The following SLC25A30 variants were observed in gnomAD, a reference collection of about 807,000 sequenced individuals.
The protein encoded by SLC25A30 is solute carrier family 25 member 30.
Under a neutral mutation model 42.7 loss-of-function variants are expected in SLC25A30, and 29 were observed. The observed-to-expected ratio is 0.68, with a 90% CI of 0.51 to 0.93. The LOEUF is 0.93. Ranked by LOEUF, SLC25A30 falls within the 40% of genes least tolerant of loss-of-function variation. SLC25A30 has a pLI of 0.00. For synonymous variants in SLC25A30, 124 were observed against 131.0 expected (o/e 0.95, Z 0.37); for missense variants, 300 against 359.7 (o/e 0.83, Z 1.34).
chr13:45,414,443 C>T (rs536403697), intron 1 of SLC25A30, among the ~76,000 whole-genome samples: 1 of 152,172 alleles, frequency 6.6e-6, no homozygotes, highest in East Asian at 1.9e-4. Context: ...ATGGCAAAAC[C>T]CAGTCTCTGC....
At chr13:45,402,924 A>G (rs1882137857) in intron 5 of SLC25A30, 2 of 444,900 alleles carry the variant, frequency 4.5e-6, no homozygotes, top group South Asian at 1.9e-4. Context: ...CCACATGACC[A>G]AGATTCCAAC....
chr13:45,396,432 G>A (rs1881330492), intron 9 of SLC25A30: 1 of 788,924 alleles, frequency 1.3e-6, no homozygotes, highest in Non-Finnish European at 1.6e-6. Flanking sequence ...GCAACAAGAG[G>A]ACAGCAAAAG....
At chr13:45,421,042 A>C (rs1593639386), upstream of SLC25A30, among the ~76,000 whole-genome samples, 1 of 152,126 alleles carries the variant, frequency 6.6e-6, no homozygotes, top group East Asian at 1.9e-4. Flanking sequence ...TCTCTAGGGA[A>C]TAGTAACTTG....
At position 45,395,071 on chromosome 13, in the gene SLC25A30, G is replaced by A. The variant is rs1460996643; in HGVS notation, c.*903C>T. On this transcript the variant is annotated 3_prime_UTR_variant, in exon 10 of 10. Coordinates refer to ENST00000519676, the MANE Select transcript of SLC25A30 (RefSeq NM_001010875.4). Reference sequence around the variant, plus strand: ...TCTTCTACATAGACTGTTTAGAGCTGTTCCACAGCATGATGTAAACACATT... The same window carrying A: ...TCTTCTACATAGACTGTTTAGAGCTATTCCACAGCATGATGTAAACACATT... 2.0e-6 allele frequency: 2 copies of A among 985,352 alleles called. No homozygotes were observed. Among genetic ancestry groups the A allele is most frequent in the African/African-American group, 3.5e-5 (2 of 57,240 alleles). 61.0% of individuals were successfully genotyped at this position (985,352 alleles called of 1,614,324 possible). A position where few individuals can be genotyped will look rare whatever the true frequency, so the allele number is the denominator to read the frequency against.
chr13:45,423,703 A>AAT, the SLC25A30 span, among the ~76,000 whole-genome samples: 173 of 2,878 alleles, frequency 0.06, 53 homozygotes, highest in East Asian at 0.11. Context: ...TAAATATATA[A>AAT]ATATATAAAC....
At chr13:45,415,374 G>C (rs966896544) in intron 1 of SLC25A30, among the ~76,000 whole-genome samples, 1 of 152,086 alleles carries the variant, frequency 6.6e-6, no homozygotes, top group Non-Finnish European at 1.5e-5. Flanking sequence ...AAATATTGGT[G>C]GGGGGCAGGG....
intron 3 of SLC25A30, among the ~76,000 whole-genome samples, chr13:45,406,461 C>A (rs777257718): frequency 6.6e-5 from 10 of 152,168 alleles, no homozygotes; most frequent in Non-Finnish European, 1.5e-4. Flanking sequence ...GAAAGCCTAG[C>A]CCCTCATATT....
At chr13:45,416,991 C>T (rs1883589960) in intron 1 of SLC25A30, among the ~76,000 whole-genome samples, 1 of 152,086 alleles carries the variant, frequency 6.6e-6, no homozygotes, top group African/African-American at 2.4e-5. Context: ...GCTGTTCGTA[C>T]TTTTGAACGC....
At chr13:45,431,236 A>G in the SLC25A30 span, among the ~76,000 whole-genome samples, 1 of 122,784 alleles carries the variant, frequency 8.1e-6, no homozygotes, top group Admixed American at 9.1e-5. Context: ...CAGTAGAGAC[A>G]GGGTTTCACC....
chr13:45,425,651 A>T, the SLC25A30 span, among the ~76,000 whole-genome samples: 1 of 81,144 alleles, frequency 1.2e-5, no homozygotes, highest in Non-Finnish European at 3.0e-5. Flanking sequence ...TATATATATA[A>T]GTATATATAA....
rs1449034010 is a variant in SLC25A30, at chr13:45,400,018, A to ATATATATGTATG, written c.615-941_615-940insCATACATATATA. ...CCACCAATGGATTATGTATGATTATATATATATATATATATACACACACAC... is the reference window on the plus strand; with the variant it reads ...CCACCAATGGATTATGTATGATTATATATATATGTATGTATATATATATATATACACACACAC... On this transcript the variant is annotated intron_variant, in intron 7 of 9. Transcript: ENST00000519676. 3.7e-5 allele frequency among the ~76,000 whole-genome samples: 4 copies of ATATATATGTATG among 107,294 alleles called. No homozygotes were observed. The South Asian group carries it at 1.6e-3, about 43-fold the overall frequency. The allele number at this position is 107,294 out of a possible 152,430, so 70.4% of individuals were successfully genotyped here. A position where few individuals can be genotyped will look rare whatever the true frequency, so the allele number is the denominator to read the frequency against.
chr13:45,393,839 ATTTC>A lies in SLC25A30; in HGVS notation c.*2131_*2134del, dbSNP rs1443235216. 1 of 985,308 alleles carries A rather than the reference ATTTC, an allele frequency of 1.0e-6. No homozygotes were observed. The highest frequency in any genetic ancestry group is 1.2e-6 in the Non-Finnish European group (1 of 829,906). 61.0% of individuals were successfully genotyped at this position (985,308 alleles called of 1,614,324 possible). On this transcript the variant is annotated 3_prime_UTR_variant, in exon 10 of 10. Transcript: ENST00000519676. ...GCTTAAGTTTTACCATGAGGTTTGA[ATTTC>A]TTTCCACCTTGGTAGGAACATGTAT...
chr13:45,402,198 T>C, intron 6 of SLC25A30, 77 bp downstream of exon 6: 3 of 1,122,000 alleles, frequency 2.7e-6, no homozygotes, highest in Non-Finnish European at 4.0e-6. Flanking sequence ...TGGATTAAAA[T>C]TAAGTGATAG....
At chr13:45,403,175 A>AC (rs1205334828) in intron 5 of SLC25A30, among the ~76,000 whole-genome samples, 4 of 152,210 alleles carry the variant, frequency 2.6e-5, no homozygotes. Flanking sequence ...TAGCTCTCTT[A>AC]CCCCAACACT....
upstream of SLC25A30, among the ~76,000 whole-genome samples, chr13:45,423,438 T>C (rs1355405049): frequency 6.8e-6 from 1 of 146,468 alleles, no homozygotes; most frequent in African/African-American, 2.5e-5. Flanking sequence ...TGCCCAAGGG[T>C]TAGCAAATTA....
chr13:45,422,024 A>G (rs1276987470), upstream of SLC25A30, among the ~76,000 whole-genome samples: 7 of 152,144 alleles, frequency 4.6e-5, no homozygotes, highest in East Asian at 1.2e-3. Flanking sequence ...AGCCCTCACT[A>G]CACTCCCTTA....
At chr13:45,425,637 T>G in the SLC25A30 span, among the ~76,000 whole-genome samples, 3 of 105,904 alleles carry the variant, frequency 2.8e-5, 1 homozygote, top group South Asian at 2.5e-4. Flanking sequence ...TAAGTATATA[T>G]AAATATATAT....
In SLC25A30 at chr13:45,397,248, A is replaced by G; in HGVS notation, c.834+10T>C. The G allele has an allele frequency of 6.3e-7, 1 of 1,578,676 alleles. No homozygotes were observed. The highest frequency in any genetic ancestry group is 8.7e-7 in the Non-Finnish European group (1 of 1,149,724). On this transcript the variant is annotated intron_variant, in intron 9 of 9. Transcript: ENST00000519676. ...TCTTTTTTCAGATCTATTGCAACAG[A>G]AAAGGATACAATGATATTCCAAGGA...
the SLC25A30 span, among the ~76,000 whole-genome samples, chr13:45,426,733 A>C: frequency 2.6e-5 from 4 of 152,152 alleles, no homozygotes; most frequent in Non-Finnish European, 5.9e-5. Flanking sequence ...CTCTTAATAC[A>C]ATCAGTACAA....
Sources: gnomAD v4.1 joint callset for allele counts (sites outside exome capture counted in the v4.1 genomes callset) on GRCh38, gnomAD v4.1.1 for gene constraint, MANE v1.5 for transcripts, NCBI Gene and HGNC (gene_info 2026-07-23, HGNC 2026-07-21) for gene names.